HEMK1: variants seen among roughly 807,000 people sequenced by gnomAD.
HEMK1 encodes the protein MTRF1L release factor glutamine methyltransferase.
HEMK1 carries 36 observed loss-of-function variants against 47.9 expected under a neutral mutation model. That is an observed-to-expected ratio of 0.75 (90% CI 0.58 to 0.99). The LOEUF is 0.99. Among genes scored for constraint, HEMK1 ranks in the 50% least tolerant of loss-of-function variants. HEMK1 has a pLI of 0.00. For missense variants in HEMK1, 383 were observed against 434.5 expected (o/e 0.88, Z 1.05); for synonymous variants, 153 against 165.4 (o/e 0.93, Z 0.57).
At chr3:50,569,611 C>G (rs1432159900) in intron 1 of HEMK1, 37 bp downstream of exon 1, 2 of 152,216 alleles carry the variant, frequency 1.3e-5, no homozygotes, top group Non-Finnish European at 2.9e-5. Flanking sequence ...CGGGGTGTTT[C>G]GACTGCAACC....
At chr3:50,578,981 G>A in intron 8 of HEMK1, 55 bp downstream of exon 8, 1 of 1,338,308 alleles carries the variant, frequency 7.5e-7, no homozygotes, top group Non-Finnish European at 1.1e-6. Flanking sequence ...GATGGGATTA[G>A]TCTGCCCTCG....
rs1328255348 is a variant in HEMK1 at position 50,577,819 on chromosome 3, T to C, written c.615-7T>C. ...CCGTGCCTACCCCTTTCTCCCTGTC[T>C]GTGTAGGCTTCGGTTGCAGGACAGG... On this transcript the variant is annotated splice_region_variant and splice_polypyrimidine_tract_variant and intron_variant, in intron 6 of 10. Coordinates refer to ENST00000232854, the MANE Select transcript of HEMK1 (RefSeq NM_016173.5). The C allele has an allele frequency of 6.2e-7, 1 of 1,613,972 alleles. No homozygotes were observed. The highest frequency in any genetic ancestry group is 2.2e-5 in the East Asian group (1 of 44,886).
At chr3:50,577,420 G>C in intron 5 of HEMK1, 89 bp from the exon 6 acceptor site, 1 of 1,298,212 alleles carries the variant, frequency 7.7e-7, no homozygotes, top group Non-Finnish European at 1.1e-6. Context: ...TCTTCTGGTG[G>C]GGGGTTGGAG....
chr3:50,578,951 G>C, intron 8 of HEMK1, 25 bp downstream of exon 8: 1 of 1,570,162 alleles, frequency 6.4e-7, no homozygotes, highest in Non-Finnish European at 8.7e-7. Flanking sequence ...GGGCCAGGGA[G>C]GCCAGGCCTG....
chr3:50,580,467 G>A lies in HEMK1; in HGVS notation c.*50G>A, dbSNP rs751214074. On this transcript the variant is annotated 3_prime_UTR_variant, in exon 11 of 11. Coordinates refer to ENST00000232854, the MANE Select transcript of HEMK1 (RefSeq NM_016173.5). ...TCAGTGCCGCCAGCCTGACCAGAGG[G>A]GAGGTGGATGGCACTTTCCAGAGCC... The A allele has an allele frequency of 6.3e-7, 1 of 1,589,756 alleles. No individual in the cohort carries two copies. Among genetic ancestry groups the A allele is most frequent in the Non-Finnish European group, 8.6e-7 (1 of 1,158,558 alleles).
In HEMK1 at chr3:50,584,916, G is replaced by A. The variant is rs759329382; in HGVS notation, c.*4499G>A. 1 of 152,216 alleles carries A rather than the reference G, an allele frequency of 6.6e-6. No homozygotes were observed. The highest frequency in any genetic ancestry group is 1.5e-5 in the Non-Finnish European group (1 of 68,050). The allele number at this position is 152,216 out of a possible 1,614,324, so 9.4% of individuals were successfully genotyped here. On this transcript the variant is annotated 3_prime_UTR_variant, in exon 11 of 11. Transcript: ENST00000232854. ...AGGCTGGAAGAATTTTGAGAGTCAT[G>A]ATAAATTGCCTTAACCACCTCTCTT...
chr3:50,578,794 A>G, intron 7 of HEMK1, 27 bp from the exon 8 acceptor site: 2 of 1,505,608 alleles, frequency 1.3e-6, no homozygotes, highest in Non-Finnish European at 1.8e-6. Flanking sequence ...GTTAGTCCCT[A>G]CTGTGTGTCC....
chr3:50,594,391 A>C lies in HEMK1; in HGVS notation c.*13974A>C, dbSNP rs2031865588. 1 of 152,200 alleles carries C rather than the reference A, an allele frequency of 6.6e-6. No homozygotes were observed. The highest frequency in any genetic ancestry group is 1.5e-5 in the Non-Finnish European group (1 of 68,040). The allele number at this position is 152,200 out of a possible 1,614,324, so 9.4% of individuals were successfully genotyped here. A position where few individuals can be genotyped will look rare whatever the true frequency, so the allele number is the denominator to read the frequency against. On this transcript the variant is annotated 3_prime_UTR_variant, in exon 11 of 11. Transcript: ENST00000232854. The stretch of plus-strand genomic sequence containing the variant: ...CACGGTCCCTACTCATAAGGAGTTC[A>C]TGGCCTGGTGGAGGATACAGGCAGG...
chr3:50,571,306 G>A lies in HEMK1; in HGVS notation c.202G>A (p.Val68Met), dbSNP rs762549255. 60 of 1,604,688 alleles carry A rather than the reference G, an allele frequency of 3.7e-5. No individual in the cohort carries two copies. Among genetic ancestry groups the A allele is most frequent in the Admixed American group, 1.0e-4 (6 of 58,724 alleles). ...GGCCCGGGAATCCAGTGAGTACATC[G>A]TGGCTCATGTCCTTGGAGCCAAAAC... ...PEARESSEYI[V>M]AHVLGAKTFQ... The change falls in exon 2 of 11, where the codon GTG becomes ATG. Residue 68 changes from valine (V) to methionine (M), a missense_variant. By Grantham distance (21) the Val-to-Met change is conservative. Transcript: ENST00000232854.
intron 4 of HEMK1, among the ~76,000 whole-genome samples, chr3:50,574,815 C>G (rs1701389924): frequency 6.6e-6 from 1 of 152,170 alleles, no homozygotes; most frequent in African/African-American, 2.4e-5. Context: ...AACTGGGCCC[C>G]CTCACCCACA....
At chr3:50,570,886 T>G (rs182961929) in intron 1 of HEMK1, 45 bp from the exon 2 acceptor site, 9 of 437,686 alleles carry the variant, frequency 2.1e-5, no homozygotes, top group East Asian at 1.8e-4. Flanking sequence ...GAAGGGGGGG[T>G]GTCATACAAG....
In HEMK1 at chr3:50,571,690, T is replaced by TA; in HGVS notation, c.229-19dup. On this transcript the variant is annotated intron_variant, in intron 2 of 10. Coordinates refer to ENST00000232854, the MANE Select transcript of HEMK1 (RefSeq NM_016173.5). ...CCTTGGGCCCAGTGAGCCAGCCACT[T>TA]ATATTCTCTGTGGGGACAGTTTCAG... 1 of 1,613,078 alleles carries TA rather than the reference T, an allele frequency of 6.2e-7. No individual in the cohort carries two copies. Among genetic ancestry groups the TA allele is most frequent in the South Asian group, 1.1e-5 (1 of 91,062 alleles).
At chr3:50,573,388 AC>A (rs1455808594) in intron 4 of HEMK1, among the ~76,000 whole-genome samples, 1 of 152,166 alleles carries the variant, frequency 6.6e-6, no homozygotes, top group African/African-American at 2.4e-5. Context: ...TCCTGAAAAC[AC>A]GTGATCTCTG....
chr3:50,578,923 G>C lies in HEMK1; in HGVS notation c.767G>C (p.Arg256Pro). The change falls in exon 8 of 11, where the codon CGC becomes CCC. Residue 256 changes from arginine (R) to proline (P), a missense_variant. Transcript: ENST00000232854. The part of the protein sequence containing the change: ...QDMEQLAPEI[R>P]SYEDPAALDG... ...ATGGAGCAGCTGGCCCCTGAGATCC[G>C]CAGGTGCTAAGCAGGGTGGGCCAGG... is the stretch of plus-strand genomic sequence containing the variant. 1.9e-6 allele frequency: 3 copies of C among 1,609,428 alleles called. No individual in the cohort carries two copies. Among genetic ancestry groups the C allele is most frequent in the Non-Finnish European group, 2.5e-6 (3 of 1,177,596 alleles).
chr3:50,578,492 AG>A, intron 7 of HEMK1, among the ~76,000 whole-genome samples: 1 of 152,326 alleles, frequency 6.6e-6, no homozygotes, highest in Middle Eastern at 3.4e-3. Flanking sequence ...AGGCTAGTGG[AG>A]CTACAGAAGA....
chr3:50,574,253 CGA>C (rs1701329202), intron 4 of HEMK1, among the ~76,000 whole-genome samples: 1 of 152,174 alleles, frequency 6.6e-6, no homozygotes, highest in Admixed American at 6.5e-5. Flanking sequence ...TTAGTCTTGC[CGA>C]AAGAGCCACC....
rs766642328 is a variant in HEMK1, at chr3:50,571,768, G to A, written c.287G>A (p.Cys96Tyr). Residue 96 changes from cysteine to tyrosine, a missense_variant, in exon 3 of 11, where the codon TGT (cysteine) becomes TAT (tyrosine). Transcript: ENST00000232854. ...CCCTTGACCTCTCAGCAACTACAGT[G>A]TATCCGGGAGCTGAGTAGCCGTCGA... Reference protein sequence around the residue: ...TQPLTSQQLQCIRELSSRRLQ... With the variant: ...TQPLTSQQLQYIRELSSRRLQ... The A allele has an allele frequency of 6.2e-7, 1 of 1,614,198 alleles. No individual in the cohort carries two copies. Among genetic ancestry groups the A allele is most frequent in the Non-Finnish European group, 8.5e-7 (1 of 1,180,026 alleles).
Position 50,571,617 on chromosome 3 carries a change from G to C in HEMK1, c.229-93G>C, listed in dbSNP as rs552170330. Reference sequence around the variant, plus strand: ...AGATGATGAGAGGGTTGGGCCTCCAGACCAGTGCTGGGCAGGCATTATCCA... The same window carrying C: ...AGATGATGAGAGGGTTGGGCCTCCACACCAGTGCTGGGCAGGCATTATCCA... On this transcript the variant is annotated intron_variant, in intron 2 of 10. Coordinates refer to ENST00000232854, the MANE Select transcript of HEMK1 (RefSeq NM_016173.5). 173 of 1,202,802 alleles carry C rather than the reference G, an allele frequency of 1.4e-4. No homozygotes were observed. The African/African-American group carries it at 2.5e-3, about 17-fold the overall frequency. 74.5% of individuals were successfully genotyped at this position (1,202,802 alleles called of 1,614,324 possible).
intron 1 of HEMK1, chr3:50,570,197 C>G (rs1220444255): frequency 3.9e-5 from 6 of 152,216 alleles, no homozygotes; most frequent in Admixed American, 2.0e-4. Flanking sequence ...TTCTCTGACC[C>G]TACTTGTATC....
Sources: gnomAD v4.1 joint callset for allele counts (sites outside exome capture counted in the v4.1 genomes callset) on GRCh38, gnomAD v4.1.1 for gene constraint, MANE v1.5 for transcripts, NCBI Gene and HGNC (gene_info 2026-07-23, HGNC 2026-07-21) for gene names.